Variants in NCOR1 observed in about 807,000 individuals in gnomAD.
NCOR1 encodes nuclear receptor corepressor 1.
NCOR1 carries 63 observed loss-of-function variants against 288.1 expected under a neutral mutation model. The ratio of observed to expected loss-of-function variants is 0.22; its 90% CI spans 0.18 to 0.27. The LOEUF (loss-of-function observed/expected upper bound fraction) is 0.27. NCOR1 is among the 10% of genes least tolerant of loss of function. The probability of loss-of-function intolerance (pLI) is 1.00; values close to 1 mark genes in which losing one functional copy is unlikely to be tolerated. For missense variants in NCOR1, 2,397 were observed against 3,019.2 expected (o/e 0.79, Z 4.83); for synonymous variants, 1,007 against 1,065.9 (o/e 0.94, Z 1.08).
chr17:16,113,868 G>A (rs917018765), intron 18 of NCOR1, among the ~76,000 whole-genome samples: 5 of 151,888 alleles, frequency 3.3e-5, no homozygotes, highest in African/African-American at 9.7e-5. Flanking sequence ...ACTCCAGCCT[G>A]GGCAACAGGG....
At chr17:16,065,244 A>T (rs1470036981) in intron 33 of NCOR1, among the ~76,000 whole-genome samples, 1 of 152,220 alleles carries the variant, frequency 6.6e-6, no homozygotes, top group African/African-American at 2.4e-5. Context: ...AAAGAGAGCA[A>T]ATTTGTAAGC....
chr17:16,064,787 G>T, intron 34 of NCOR1, 83 bp downstream of exon 34: 1 of 1,326,728 alleles, frequency 7.5e-7, no homozygotes, highest in African/African-American at 1.5e-5. Flanking sequence ...AGGAAAAATT[G>T]CCCAAGATAC....
At chr17:16,053,192 C>G (rs2059513230) in intron 40 of NCOR1, among the ~76,000 whole-genome samples, 1 of 152,136 alleles carries the variant, frequency 6.6e-6, no homozygotes, top group Non-Finnish European at 1.5e-5. Context: ...AAGTCTTGAC[C>G]AGGGTGATCA....
chr17:16,128,444 C>G (rs538150457), intron 14 of NCOR1, among the ~76,000 whole-genome samples: 2 of 152,376 alleles, frequency 1.3e-5, no homozygotes, highest in East Asian at 3.9e-4. Flanking sequence ...CAGCATCCAT[C>G]TGGCTCTCTG....
chr17:16,206,967 T>C (rs1181146613), intron 1 of NCOR1, among the ~76,000 whole-genome samples: 1 of 152,142 alleles, frequency 6.6e-6, no homozygotes, highest in Admixed American at 6.6e-5. Context: ...TAAAATAGCA[T>C]ATCCTCCTTC....
At chr17:16,071,282 C>A in intron 30 of NCOR1, 127 bp downstream of exon 30, 2 of 1,333,610 alleles carry the variant, frequency 1.5e-6, no homozygotes, top group Non-Finnish European at 2.0e-6. Context: ...AAAAAAGGTA[C>A]AGGAAACTTT....
intron 1 of NCOR1, among the ~76,000 whole-genome samples, chr17:16,215,104 C>G (rs547691951): frequency 6.6e-6 from 1 of 152,196 alleles, no homozygotes; most frequent in Admixed American, 6.5e-5. Context: ...AGCCCCGGCC[C>G]GGCCACAGCC....
chr17:16,097,397 T>C (rs2066835475), intron 21 of NCOR1, among the ~76,000 whole-genome samples: 1 of 152,230 alleles, frequency 6.6e-6, no homozygotes, highest in Non-Finnish European at 1.5e-5. Context: ...GGGCTGGAAC[T>C]TTCAGCTCCA....
At chr17:16,109,015 C>T (rs2069398914) in intron 18 of NCOR1, 103 bp from the exon 19 acceptor site, 1 of 882,156 alleles carries the variant, frequency 1.1e-6, no homozygotes. Flanking sequence ...ACACACCAGA[C>T]AAGGAGGTCA....
intron 42 of NCOR1, among the ~76,000 whole-genome samples, chr17:16,041,735 T>G (rs2057702363): frequency 6.7e-6 from 1 of 149,208 alleles, no homozygotes; most frequent in Admixed American, 6.7e-5. Context: ...ATTAATTAAT[T>G]TATTAATTAA....
intron 40 of NCOR1, among the ~76,000 whole-genome samples, chr17:16,051,914 A>T (rs2059360919): frequency 6.6e-6 from 1 of 152,136 alleles, no homozygotes; most frequent in Non-Finnish European, 1.5e-5. Flanking sequence ...TCCTTCTCAA[A>T]AAATAAATAA....
chr17:16,207,494 C>T (rs555516684), intron 1 of NCOR1, among the ~76,000 whole-genome samples: 17 of 152,228 alleles, frequency 1.1e-4, no homozygotes, highest in Admixed American at 1.0e-3. Flanking sequence ...GTAATCCCAG[C>T]ACTTTGGGAG....
chr17:16,092,108 G>C (rs2065265503), intron 21 of NCOR1, 50 bp from the exon 22 acceptor site: 1 of 1,588,250 alleles, frequency 6.3e-7, no homozygotes, highest in African/African-American at 1.3e-5. Context: ...TGTAATAATT[G>C]CCATCTCTTA....
chr17:16,159,195 C>A (rs1433221584), intron 5 of NCOR1, among the ~76,000 whole-genome samples: 5 of 151,958 alleles, frequency 3.3e-5, no homozygotes, highest in Non-Finnish European at 5.9e-5. Flanking sequence ...AGGTGGATCA[C>A]CTGAGGTCGG....
rs747978271 is a variant in NCOR1, at chr17:16,080,005, A to G, written c.3460T>C (p.Ser1154Pro). 5 of 1,614,032 alleles carry G rather than the reference A, an allele frequency of 3.1e-6. No homozygotes were observed. In the Admixed American group the frequency reaches 8.3e-5, roughly 27 times the overall value. ...CGTAGGGATGGAATGCTCTCCACTGAAATTTTGCTGGTTGGAGTTCCCCGA... is the reference window on the plus strand; with the variant it reads ...CGTAGGGATGGAATGCTCTCCACTGGAATTTTGCTGGTTGGAGTTCCCCGA... ...ITRGTPTSKI[S>P]VESIPSLRGS... The change falls in exon 26 of 46, where the codon TCA (serine) becomes CCA (proline). Residue 1154 changes from serine (S) to proline (P), a missense_variant. Ser to Pro is a moderately conservative substitution (Grantham distance 74). Coordinates refer to ENST00000268712, the MANE Select transcript of NCOR1 (RefSeq NM_006311.4).
chr17:16,186,522 C>T, intron 3 of NCOR1, 32 bp downstream of exon 3: 1 of 1,597,720 alleles, frequency 6.3e-7, no homozygotes, highest in South Asian at 1.1e-5. Context: ...CAATTATAAT[C>T]CTAGATAGAA....
chr17:16,108,929 T>C lies in NCOR1; in HGVS notation c.2056-17A>G. The C allele has an allele frequency of 6.5e-7, 1 of 1,534,318 alleles. No individual in the cohort carries two copies. Among genetic ancestry groups the C allele is most frequent in the Non-Finnish European group, 8.7e-7 (1 of 1,143,350 alleles). On this transcript the variant is annotated splice_polypyrimidine_tract_variant and intron_variant, in intron 18 of 45. Transcript: ENST00000268712. The stretch of plus-strand genomic sequence containing the variant: ...TCGTGAAGTCTAAAGGAGGAAAGAG[T>C]ATTATTTGATTTAAATAACTAAAAA...
In NCOR1 at chr17:16,032,173, G is replaced by A. The variant is rs559888118; in HGVS notation, c.*123C>T. The A allele has an allele frequency of 9.6e-6, 9 of 938,976 alleles. No individual in the cohort carries two copies. The East Asian group carries it at 2.8e-4, about 29-fold the overall frequency. The allele number at this position is 938,976 out of a possible 1,614,324, so 58.2% of individuals were successfully genotyped here. On this transcript the variant is annotated 3_prime_UTR_variant, in exon 46 of 46. Coordinates refer to ENST00000268712, the MANE Select transcript of NCOR1 (RefSeq NM_006311.4). Reference sequence around the variant, plus strand: ...TCATTTCTTCATCATCTGTGGGCTGGCTCTCCTGAAAAGTCTCAGGGAATA... The same window carrying A: ...TCATTTCTTCATCATCTGTGGGCTGACTCTCCTGAAAAGTCTCAGGGAATA...
chr17:16,136,093 T>C (rs2076355960), intron 14 of NCOR1, among the ~76,000 whole-genome samples: 1 of 152,184 alleles, frequency 6.6e-6, no homozygotes, highest in African/African-American at 2.4e-5. Context: ...GATCAGTTAT[T>C]TGGGGAAAAT....
Sources: gnomAD v4.1 joint callset for allele counts (sites outside exome capture counted in the v4.1 genomes callset) on GRCh38, gnomAD v4.1.1 for gene constraint, MANE v1.5 for transcripts, NCBI Gene and HGNC (gene_info 2026-07-23, HGNC 2026-07-21) for gene names.